TNFRSF10B: variants seen among roughly 807,000 people sequenced by gnomAD.
The protein encoded by TNFRSF10B is TNF receptor superfamily member 10b, also known as tumor necrosis factor receptor superfamily member 10B.
Under a neutral mutation model 41.4 loss-of-function variants are expected in TNFRSF10B, and 35 were observed. The observed-to-expected ratio is 0.85, with a 90% CI of 0.65 to 1.12. The LOEUF (loss-of-function observed/expected upper bound fraction) is 1.12, where lower values mean the gene tolerates loss of function less well. Among genes scored for constraint, TNFRSF10B ranks in the 50% most tolerant of loss-of-function variants. The pLI, the probability that TNFRSF10B is intolerant of heterozygous loss-of-function variation, is 0.00. For synonymous variants in TNFRSF10B, 230 were observed against 215.5 expected (o/e 1.07, Z -0.59); for missense variants, 584 against 552.7 (o/e 1.06, Z -0.57).
intron 1 of TNFRSF10B, 95 bp from the exon 2 acceptor site, chr8:23,043,338 A>G (rs1438675601): frequency 2.3e-6 from 2 of 885,766 alleles, no homozygotes; most frequent in Non-Finnish European, 1.9e-6. Flanking sequence ...CACCCAAGCT[A>G]AACAGAACCC....
Position 23,022,083 on chromosome 8 carries a change from C to T in TNFRSF10B, c.*588G>A. 1 of 430,608 alleles carries T rather than the reference C, an allele frequency of 2.3e-6. No individual in the cohort carries two copies. Among genetic ancestry groups the T allele is most frequent in the African/African-American group, 2.0e-5 (1 of 48,852 alleles). The allele number at this position is 430,608 out of a possible 1,614,324, so 26.7% of individuals were successfully genotyped here. A position where few individuals can be genotyped will look rare whatever the true frequency, so the allele number is the denominator to read the frequency against. ...AGACCACCCTGAGCAACATAGAGAG[C>T]CCCTATATCTAGACAAAATACAAAA... is the stretch of plus-strand genomic sequence containing the variant. On this transcript the variant is annotated 3_prime_UTR_variant, in exon 9 of 9. Transcript: ENST00000276431.
At chr8:23,046,901 T>C (rs756431067) in intron 1 of TNFRSF10B, among the ~76,000 whole-genome samples, 1 of 152,080 alleles carries the variant, frequency 6.6e-6, no homozygotes, top group Non-Finnish European at 1.5e-5. Context: ...TGGATATCCA[T>C]ATGCACAAGA....
chr8:23,021,245 G>T lies in TNFRSF10B; in HGVS notation c.*1426C>A, dbSNP rs1811510143. 2.2e-6 allele frequency: 1 copy of T among 454,106 alleles called. No individual in the cohort carries two copies. Among genetic ancestry groups the T allele is most frequent in the Non-Finnish European group, 4.4e-6 (1 of 226,796 alleles). The allele number at this position is 454,106 out of a possible 1,614,324, so 28.1% of individuals were successfully genotyped here. ...AAACCTTAATGCGTCAGCCATTCTAGGTCCTGTTGCCACAGTGTTTAAGAA... is the reference window on the plus strand; with the variant it reads ...AAACCTTAATGCGTCAGCCATTCTATGTCCTGTTGCCACAGTGTTTAAGAA... On this transcript the variant is annotated 3_prime_UTR_variant, in exon 9 of 9. Transcript: ENST00000276431.
chr8:23,028,002 C>T (rs748635871), intron 5 of TNFRSF10B: 21 of 607,156 alleles, frequency 3.5e-5, no homozygotes, highest in South Asian at 2.8e-4. Flanking sequence ...AAAAATCCCA[C>T]GACCACTTCT....
intron 2 of TNFRSF10B, among the ~76,000 whole-genome samples, chr8:23,040,462 TATAC>T (rs1471809311): frequency 1.1e-5 from 1 of 88,850 alleles, no homozygotes; most frequent in Admixed American, 1.3e-4. Flanking sequence ...ATTAAATATA[TATAC>T]ACAAAATATA....
intron 2 of TNFRSF10B, among the ~76,000 whole-genome samples, chr8:23,035,191 G>C (rs1197914357): frequency 2.6e-5 from 4 of 151,682 alleles, no homozygotes; most frequent in Non-Finnish European, 4.4e-5. Flanking sequence ...TCTCAGGCTG[G>C]AGTGCAGTGG....
chr8:23,048,725 G>T (rs1394776925), intron 1 of TNFRSF10B, among the ~76,000 whole-genome samples: 1 of 152,108 alleles, frequency 6.6e-6, no homozygotes, highest in South Asian at 2.1e-4. Context: ...ATTCCATATT[G>T]TATTCATAAA....
intron 1 of TNFRSF10B, among the ~76,000 whole-genome samples, chr8:23,051,547 CTTT>C (rs57467929): frequency 0.01 from 1,442 of 141,274 alleles, 27 homozygotes; most frequent in African/African-American, 0.038. Context: ...GTAAAATACT[CTTT>C]TTTTTTTTTT....
Position 23,022,910 on chromosome 8 carries a change from C to G in TNFRSF10B, c.1084G>C (p.Gly362Arg). Residue 362 changes from glycine (G) to arginine (R), a missense_variant, in exon 9 of 9, where the codon GGC becomes CGC. Transcript: ENST00000276431. The part of the protein sequence containing the change: ...DSWEPLMRKL[G>R]LMDNEIKVAK... The stretch of plus-strand genomic sequence containing the variant: ...ACCTTTATCTCATTGTCCATGAGGC[C>G]CAACTTCCTCATGAGCGGCTCCCAG... 2 of 1,613,986 alleles carry G rather than the reference C, an allele frequency of 1.2e-6. No homozygotes were observed. Among genetic ancestry groups the G allele is most frequent in the Non-Finnish European group, 1.7e-6 (2 of 1,179,998 alleles).
At position 23,029,616 on chromosome 8, in the gene TNFRSF10B, C is replaced by G; in HGVS notation, c.470G>C (p.Arg157Pro). 6.2e-7 allele frequency: 1 copy of G among 1,608,772 alleles called. No homozygotes were observed. The change falls in exon 4 of 9, where the codon CGC (arginine) becomes CCC (proline). Residue 157 changes from arginine to proline, a missense_variant. Coordinates refer to ENST00000276431, the MANE Select transcript of TNFRSF10B (RefSeq NM_003842.5). Reference protein sequence around the residue: ...EDSPEMCRKCRTGCPRGMVKV... With the variant: ...EDSPEMCRKCPTGCPRGMVKV... ...CCCCCGGCTCCTGTCTCACCCTGTG[C>G]GGCACTTCCGGCACATCTCAGGAGA...
chr8:23,037,226 G>A (rs751418646), intron 2 of TNFRSF10B, among the ~76,000 whole-genome samples: 1 of 152,184 alleles, frequency 6.6e-6, no homozygotes, highest in African/African-American at 2.4e-5. Flanking sequence ...TGAACAAAGT[G>A]TGCATGGTGG....
chr8:23,025,493 A>T (rs950675018), intron 7 of TNFRSF10B, among the ~76,000 whole-genome samples: 1 of 152,216 alleles, frequency 6.6e-6, no homozygotes, highest in Non-Finnish European at 1.5e-5. Flanking sequence ...GTGTAAAAAT[A>T]ATTTTGAAAA....
At chr8:23,040,789 T>C (rs1486801543) in intron 2 of TNFRSF10B, among the ~76,000 whole-genome samples, 2 of 152,076 alleles carry the variant, frequency 1.3e-5, no homozygotes, top group Admixed American at 6.6e-5. Flanking sequence ...GAATTATTTT[T>C]ATTAATATTG....
chr8:23,047,338 CA>C (rs1370266492), intron 1 of TNFRSF10B, among the ~76,000 whole-genome samples: 9 of 111,294 alleles, frequency 8.1e-5, no homozygotes, highest in African/African-American at 3.1e-4. Context: ...GCCTAGGCAA[CA>C]AGAGTGAAAT....
At chr8:23,031,002 G>A in intron 2 of TNFRSF10B, 130 bp from the exon 3 acceptor site, 1 of 700,984 alleles carries the variant, frequency 1.4e-6, no homozygotes, top group South Asian at 1.5e-5. Flanking sequence ...ACCTAGCTTG[G>A]TCAGTTCATC....
chr8:23,039,291 C>G (rs985979093), intron 2 of TNFRSF10B, among the ~76,000 whole-genome samples: 1 of 151,968 alleles, frequency 6.6e-6, no homozygotes, highest in Non-Finnish European at 1.5e-5. Context: ...GGTCCATGGC[C>G]TGGGGGTCAG....
chr8:23,028,626 G>C (rs1390421910), intron 4 of TNFRSF10B, 24 bp from the exon 5 acceptor site: 4 of 1,611,916 alleles, frequency 2.5e-6, no homozygotes, highest in Non-Finnish European at 3.4e-6. Context: ...CAGAGGGAGA[G>C]GGGGGACTCT....
At chr8:23,061,258 T>C (rs931224568) in intron 1 of TNFRSF10B, among the ~76,000 whole-genome samples, 4 of 152,170 alleles carry the variant, frequency 2.6e-5, no homozygotes, top group Non-Finnish European at 5.9e-5. Context: ...TATAAGTCAA[T>C]CATGAAATTG....
intron 2 of TNFRSF10B, among the ~76,000 whole-genome samples, chr8:23,035,555 A>C (rs1475102892): frequency 2.0e-5 from 3 of 152,204 alleles, no homozygotes; most frequent in Admixed American, 6.5e-5. Context: ...ACTATTCTAG[A>C]CTTAATGGTA....
Sources: gnomAD v4.1 joint callset for allele counts (sites outside exome capture counted in the v4.1 genomes callset) on GRCh38, gnomAD v4.1.1 for gene constraint, MANE v1.5 for transcripts, NCBI Gene and HGNC (gene_info 2026-07-23, HGNC 2026-07-21) for gene names.